Variants in DENND4A observed in about 807,000 individuals in gnomAD.
The protein encoded by DENND4A is DENN domain containing 4A.
DENND4A carries 70 observed loss-of-function variants against 199.3 expected under a neutral mutation model. The ratio of observed to expected loss-of-function variants is 0.35; its 90% CI spans 0.29 to 0.43. The LOEUF is 0.43. Ranked by LOEUF, DENND4A falls within the 20% of genes least tolerant of loss-of-function variation. DENND4A has a pLI of 1.00. For synonymous variants in DENND4A, 686 were observed against 766.9 expected (o/e 0.89, Z 1.74); for missense variants, 1,723 against 2,255.8 (o/e 0.76, Z 4.78).
At chr15:65,663,203 T>TTA (rs2075921397) in intron 32 of DENND4A, among the ~76,000 whole-genome samples, 1 of 144,536 alleles carries the variant, frequency 6.9e-6, no homozygotes, top group African/African-American at 2.6e-5. Context: ...TATATATTTT[T>TTA]TTTTTTTTAT....
chr15:65,664,894 G>A, intron 30 of DENND4A, 172 bp from the exon 31 acceptor site: 8 of 572,282 alleles, frequency 1.4e-5, no homozygotes, highest in East Asian at 3.0e-5. Flanking sequence ...GACAAATAAT[G>A]ACAAAAAAAG....
chr15:65,789,971 C>T (rs918705967), intron 1 of DENND4A, among the ~76,000 whole-genome samples: 3 of 152,188 alleles, frequency 2.0e-5, no homozygotes, highest in Non-Finnish European at 4.4e-5. Context: ...GTCTGGGCAA[C>T]ATGGCGAAAC....
chr15:65,684,345 G>A (rs185880128), intron 23 of DENND4A, among the ~76,000 whole-genome samples: 4 of 152,298 alleles, frequency 2.6e-5, no homozygotes. Flanking sequence ...AAAAAAGTAT[G>A]AGGGTTCCCA....
At chr15:65,678,722 CTG>C (rs1390778531) in intron 23 of DENND4A, among the ~76,000 whole-genome samples, 1 of 152,148 alleles carries the variant, frequency 6.6e-6, no homozygotes, top group African/African-American at 2.4e-5. Flanking sequence ...GACAGTTTCA[CTG>C]TGTCACCCAG....
At chr15:65,779,869 T>C (rs556542763) in intron 1 of DENND4A, among the ~76,000 whole-genome samples, 4 of 152,264 alleles carry the variant, frequency 2.6e-5, no homozygotes, top group African/African-American at 9.6e-5. Flanking sequence ...AGGCTGGGAT[T>C]ACAGGCGTGA....
intron 14 of DENND4A, among the ~76,000 whole-genome samples, chr15:65,713,595 T>C (rs912586056): frequency 1.3e-5 from 2 of 152,232 alleles, no homozygotes; most frequent in African/African-American, 2.4e-5. Context: ...TTGATATCTG[T>C]GTACACTCAT....
intron 23 of DENND4A, among the ~76,000 whole-genome samples, chr15:65,689,209 C>A (rs1229766736): frequency 1.3e-5 from 2 of 152,034 alleles, no homozygotes; most frequent in African/African-American, 4.8e-5. Context: ...TGAAATCTTC[C>A]ATCTTTACAG....
chr15:65,705,764 A>G (rs1293522554), intron 15 of DENND4A, among the ~76,000 whole-genome samples: 2 of 152,036 alleles, frequency 1.3e-5, no homozygotes, highest in Non-Finnish European at 2.9e-5. Context: ...GAAAGTGAGG[A>G]AACCAGCTTT....
Position 65,721,217 on chromosome 15 carries a change from T to C in DENND4A, c.1588+1631A>G, listed in dbSNP as rs146181672. Among the ~76,000 whole-genome samples, 304 of 152,072 alleles carry C rather than the reference T, an allele frequency of 2.0e-3. 2 individuals carry two copies. The highest frequency in any genetic ancestry group is 7.1e-3 in the African/African-American group (296 of 41,484). On this transcript the variant is annotated intron_variant, in intron 12 of 32. Coordinates refer to ENST00000443035, the MANE Select transcript of DENND4A (RefSeq NM_001320835.1). Reference sequence around the variant, plus strand: ...AAGCAATTAACTAGGTAACAAATGATATTACATGCATGATTTATTTGTTCC... The same window carrying C: ...AAGCAATTAACTAGGTAACAAATGACATTACATGCATGATTTATTTGTTCC...
At chr15:65,705,416 T>C (rs1029298743) in intron 15 of DENND4A, among the ~76,000 whole-genome samples, 1 of 152,186 alleles carries the variant, frequency 6.6e-6, no homozygotes, top group Non-Finnish European at 1.5e-5. Flanking sequence ...TAAAAATAAA[T>C]GCATATTGGG....
chr15:65,693,752 T>G lies in DENND4A; in HGVS notation c.3083-2241A>C, dbSNP rs185535714. On this transcript the variant is annotated intron_variant, in intron 22 of 32. Transcript: ENST00000443035. ...ATCTATTATATGTTCTTATAGCAACTTACTGTCCTTTTTCATAGTATTTAA... is the reference window on the plus strand; with the variant it reads ...ATCTATTATATGTTCTTATAGCAACGTACTGTCCTTTTTCATAGTATTTAA... 9.9e-5 allele frequency among the ~76,000 whole-genome samples: 15 copies of G among 152,092 alleles called. No individual in the cohort carries two copies. The East Asian group carries it at 2.9e-3, about 29-fold the overall frequency.
At chr15:65,709,472 G>A (rs975987302) in intron 14 of DENND4A, among the ~76,000 whole-genome samples, 4 of 151,778 alleles carry the variant, frequency 2.6e-5, no homozygotes, top group Non-Finnish European at 2.9e-5. Flanking sequence ...TTGGGAGGTC[G>A]AGATGGGCGG....
chr15:65,722,558 T>C (rs1410817036), intron 12 of DENND4A, among the ~76,000 whole-genome samples: 1 of 152,184 alleles, frequency 6.6e-6, no homozygotes, highest in Non-Finnish European at 1.5e-5. Flanking sequence ...TAACATCCTT[T>C]TGAATTTTAT....
chr15:65,717,678 T>A, intron 13 of DENND4A, 100 bp downstream of exon 13: 2 of 1,055,864 alleles, frequency 1.9e-6, no homozygotes, highest in Non-Finnish European at 2.7e-6. Flanking sequence ...AAAATAGGTA[T>A]GTATTCTCAT....
rs1287799770 is a variant in DENND4A, at chr15:65,660,840, C to T, written c.*1011G>A. 6.6e-6 allele frequency: 1 copy of T among 151,756 alleles called. No homozygotes were observed. Among genetic ancestry groups the T allele is most frequent in the Non-Finnish European group, 1.5e-5 (1 of 67,996 alleles). 9.4% of individuals were successfully genotyped at this position (151,756 alleles called of 1,614,324 possible). On this transcript the variant is annotated 3_prime_UTR_variant, in exon 33 of 33. Coordinates refer to ENST00000443035, the MANE Select transcript of DENND4A (RefSeq NM_001320835.1). ...TTATATATAGTATTAACAGAATACC[C>T]CAGTAAGTCATATTTCAGATAAATA...
chr15:65,700,818 C>A, intron 19 of DENND4A, 143 bp from the exon 20 acceptor site: 1 of 985,624 alleles, frequency 1.0e-6, no homozygotes, highest in East Asian at 2.9e-5. Flanking sequence ...AACAAAGAAA[C>A]CTATTGTGAG....
chr15:65,731,706 A>G lies in DENND4A; in HGVS notation c.1108-6T>C, dbSNP rs1159966120. The G allele has an allele frequency of 6.5e-7, 1 of 1,542,836 alleles. No individual in the cohort carries two copies. Among genetic ancestry groups the G allele is most frequent in the African/African-American group, 1.4e-5 (1 of 72,822 alleles). ...AGATTATCATGTGGTGATAACTGGA[A>G]GAAGATTTAAAATAAAGAATTTGAA... On this transcript the variant is annotated splice_polypyrimidine_tract_variant and splice_region_variant and intron_variant, in intron 8 of 32. Transcript: ENST00000443035.
chr15:65,727,320 G>C (rs2075829668), intron 11 of DENND4A, among the ~76,000 whole-genome samples: 1 of 151,948 alleles, frequency 6.6e-6, no homozygotes, highest in African/African-American at 2.4e-5. Flanking sequence ...AGGCATGGTG[G>C]CGGGTACCTG....
At chr15:65,691,662 T>G (rs2142077421) in intron 22 of DENND4A, among the ~76,000 whole-genome samples, 151 bp from the exon 23 acceptor site, 1 of 152,232 alleles carries the variant, frequency 6.6e-6, no homozygotes, top group Middle Eastern at 3.4e-3. Flanking sequence ...ACACTTTACT[T>G]ATATTTCCTA....
Sources: allele counts gnomAD v4.1 joint callset (sites outside exome capture counted in the v4.1 genomes callset), GRCh38; gene constraint gnomAD v4.1.1; transcripts MANE v1.5; gene names NCBI Gene and HGNC (gene_info 2026-07-23, HGNC 2026-07-21).